The following KCTD14 variants were observed in gnomAD, a reference collection of about 807,000 sequenced individuals.
KCTD14 encodes the protein BTB/POZ domain-containing protein KCTD14.
In KCTD14, 7 loss-of-function variants were observed where a neutral mutation model predicts 5.9. The ratio of observed to expected loss-of-function variants is 1.19; its 90% CI spans 0.68 to 2.23. KCTD14 has a LOEUF of 2.23. Ranked by LOEUF, KCTD14 falls within the 30% of genes most tolerant of loss-of-function variation. The probability of loss-of-function intolerance (pLI) is 0.00; values close to 1 mark genes in which losing one functional copy is unlikely to be tolerated. For synonymous variants in KCTD14, 140 were observed against 133.1 expected, an observed-to-expected ratio of 1.05 and a Z score of -0.36; for missense variants, 342 against 332.2, an observed-to-expected ratio of 1.03 and a Z score of -0.23.
chr11:78,018,491 G>A (rs1269999228), intron 1 of KCTD14, among the ~76,000 whole-genome samples: 1 of 152,128 alleles, frequency 6.6e-6, no homozygotes, highest in African/African-American at 2.4e-5. Context: ...TGGATCACTT[G>A]AGACCAGGAG....
chr11:78,021,297 C>CAAAAAAAAAA (rs531185817), intron 1 of KCTD14, among the ~76,000 whole-genome samples: 1 of 85,188 alleles, frequency 1.2e-5, no homozygotes, highest in Non-Finnish European at 2.3e-5. Context: ...GACCCTGTCT[C>CAAAAAAAAAA]AAAAAAAAAA....
Position 78,017,247 on chromosome 11 carries a change from G to C in KCTD14, c.114C>G (p.Asn38Lys). 1.2e-6 allele frequency: 2 copies of C among 1,602,902 alleles called. No homozygotes were observed. The highest frequency in any genetic ancestry group is 1.7e-6 in the Non-Finnish European group (2 of 1,171,534). ...RPTMSTVVEL[N>K]VGGEFHTTTL... is the part of the protein sequence containing the mutation. ...TGGTGGTGTGGAACTCACCCCCGACGTTCAGCTCCACAACAGTAGACATCT... is the reference window on the plus strand; with the variant it reads ...TGGTGGTGTGGAACTCACCCCCGACCTTCAGCTCCACAACAGTAGACATCT... The change falls in exon 2 of 2, where the codon AAC becomes AAG. Residue 38 changes from asparagine (N) to lysine (K), a missense_variant. Coordinates refer to ENST00000353172, the MANE Select transcript of KCTD14 (RefSeq NM_023930.4).
upstream of KCTD14, among the ~76,000 whole-genome samples, chr11:78,026,386 C>T (rs1329038702): frequency 6.6e-6 from 1 of 151,616 alleles, no homozygotes; most frequent in East Asian, 1.9e-4. Flanking sequence ...GAGGTTGCAG[C>T]GAGCTGAGAT....
At chr11:78,017,998 G>A (rs576969324) in intron 1 of KCTD14, among the ~76,000 whole-genome samples, 4 of 152,158 alleles carry the variant, frequency 2.6e-5, no homozygotes, top group Non-Finnish European at 5.9e-5. Flanking sequence ...TCAGGAGGCT[G>A]AGGCACAAGA....
intron 1 of KCTD14, among the ~76,000 whole-genome samples, chr11:78,039,152 G>A (rs1460234709): frequency 1.3e-5 from 2 of 151,602 alleles, no homozygotes; most frequent in East Asian, 3.9e-4. Flanking sequence ...ACCTTGAACT[G>A]GGACAGGGTT....
At chr11:78,030,851 T>A (rs1857592652) in intron 2 of KCTD14, among the ~76,000 whole-genome samples, 7 of 152,006 alleles carry the variant, frequency 4.6e-5, no homozygotes, top group Admixed American at 4.6e-4. Context: ...GCTCCCTCTG[T>A]GAGTCCTGCA....
intron 2 of KCTD14, among the ~76,000 whole-genome samples, chr11:78,037,446 C>T (rs1857839927): frequency 6.6e-6 from 1 of 152,208 alleles, no homozygotes; most frequent in African/African-American, 2.4e-5. Flanking sequence ...GACTGGTGCA[C>T]TCCTGAGCCC....
chr11:78,037,609 C>A (rs1168322769), intron 2 of KCTD14, among the ~76,000 whole-genome samples: 1 of 152,140 alleles, frequency 6.6e-6, no homozygotes, highest in Non-Finnish European at 1.5e-5. Context: ...ACTTTAAAAT[C>A]ACTGCCTCCA....
Position 78,017,265 on chromosome 11 carries a change from A to G in KCTD14, c.96T>C (p.Ser32=). The change falls in exon 2 of 2, where the codon TCT becomes TCC. Residue 32 remains serine (S), a synonymous_variant. Transcript: ENST00000353172. The stretch of plus-strand genomic sequence containing the variant: ...CCCCGACGTTCAGCTCCACAACAGT[A>G]GACATCTGGGGGCACAAGAGGCAGA... ...QSPRPRRPTM[S]TVVELNVGGE... is the part of the protein sequence containing the mutation. 6.3e-7 allele frequency: 1 copy of G among 1,590,870 alleles called. No individual in the cohort carries two copies. Among genetic ancestry groups the G allele is most frequent in the Non-Finnish European group, 8.6e-7 (1 of 1,163,556 alleles).
chr11:78,028,405 C>T (rs937168304), intron 2 of KCTD14, among the ~76,000 whole-genome samples: 1 of 152,032 alleles, frequency 6.6e-6, no homozygotes, highest in Non-Finnish European at 1.5e-5. Flanking sequence ...GAGTTCAATA[C>T]CAGCCTGGCC....
chr11:78,028,939 C>G (rs578218764), intron 2 of KCTD14, among the ~76,000 whole-genome samples: 1 of 152,088 alleles, frequency 6.6e-6, no homozygotes, highest in Non-Finnish European at 1.5e-5. Flanking sequence ...TGGCTCAGCA[C>G]TTTGGGAGGC....
intron 2 of KCTD14, among the ~76,000 whole-genome samples, chr11:78,028,846 T>G (rs1002247837): frequency 4.6e-5 from 7 of 151,816 alleles, no homozygotes; most frequent in Admixed American, 2.6e-4. Flanking sequence ...GAGGGTAAAG[T>G]AAAAGGATCA....
At chr11:78,027,062 G>A (rs1413736993), upstream of KCTD14, among the ~76,000 whole-genome samples, 1 of 151,946 alleles carries the variant, frequency 6.6e-6, no homozygotes, top group Non-Finnish European at 1.5e-5. Flanking sequence ...TTATGCCACT[G>A]CACTCTAGCC....
At chr11:78,044,667 G>C (rs1408827092) in intron 1 of KCTD14, among the ~76,000 whole-genome samples, 5 of 152,166 alleles carry the variant, frequency 3.3e-5, no homozygotes, top group Admixed American at 1.3e-4. Context: ...TGCCTCCTCA[G>C]AGGAAAGAAT....
At chr11:78,027,332 G>A (rs545233570), upstream of KCTD14, among the ~76,000 whole-genome samples, 19 of 151,096 alleles carry the variant, frequency 1.3e-4, no homozygotes, top group Middle Eastern at 3.4e-3. Context: ...CAGGAGTTGG[G>A]GACCAACCTG....
In KCTD14 at chr11:78,016,816, T is replaced by C; in HGVS notation, c.545A>G (p.Tyr182Cys). 1 of 1,614,150 alleles carries C rather than the reference T, an allele frequency of 6.2e-7. No homozygotes were observed. The highest frequency in any genetic ancestry group is 1.3e-5 in the African/African-American group (1 of 75,048). The part of the protein sequence containing the change: ...LVETEEQDAY[Y>C]SEVLCFLQDK... ...CTGCAGAAAACACAGGACCTCTGAA[T>C]AATATGCATCCTGCTCCTCAGTTTC... is the stretch of plus-strand genomic sequence containing the variant. Residue 182 changes from tyrosine (Y) to cysteine (C), a missense_variant, in exon 2 of 2, where the codon TAT (tyrosine) becomes TGT (cysteine). By Grantham distance (194) the Tyr-to-Cys change is radical (BLOSUM62 -2). Transcript: ENST00000353172.
rs763060357 is a variant in KCTD14 at position 78,023,176 on chromosome 11, CGG to C, written c.72_73del (p.Arg25AlafsTer17). 3.1e-6 allele frequency: 5 copies of C among 1,592,736 alleles called. No homozygotes were observed. The highest frequency in any genetic ancestry group is 4.3e-6 in the Non-Finnish European group (5 of 1,171,690). On this transcript the variant is annotated frameshift_variant, in exon 1 of 2. Transcript: ENST00000353172. LOFTEE classifies it low-confidence loss of function (END_TRUNC). ...CGCACTTACCGTTGGCCGCCTGGGCCGGGGGGACTGGGGCAGAGGGGTCTGGC... is the reference window on the plus strand; with the variant it reads ...CGCACTTACCGTTGGCCGCCTGGGCCGGGGACTGGGGCAGAGGGGTCTGGC...
At chr11:78,043,333 G>A (rs1462296082) in intron 1 of KCTD14, among the ~76,000 whole-genome samples, 1 of 152,198 alleles carries the variant, frequency 6.6e-6, no homozygotes, top group African/African-American at 2.4e-5. Context: ...AAATGATGAT[G>A]TCTCTTGCTA....
Position 78,037,884 on chromosome 11 carries a change from G to A in KCTD14, c.-1+780C>T, listed in dbSNP as rs186747385. The stretch of plus-strand genomic sequence containing the variant: ...GGAGGCTTCTGGGATGCTGAATAAA[G>A]TTCTTTTTCTTGAGCTAGGTGCTGG... On this transcript the variant is annotated intron_variant, in intron 2 of 2. Coordinates refer to the KCTD14 transcript ENST00000533144. 6.6e-5 allele frequency among the ~76,000 whole-genome samples: 10 copies of A among 151,404 alleles called. No individual in the cohort carries two copies. The East Asian group carries it at 2.0e-3, about 30-fold the overall frequency.
Sources: allele counts gnomAD v4.1 joint callset (sites outside exome capture counted in the v4.1 genomes callset), GRCh38; gene constraint gnomAD v4.1.1; transcripts MANE v1.5; gene names NCBI Gene and HGNC (gene_info 2026-07-23, HGNC 2026-07-21).